RCN1: variants seen among roughly 807,000 people sequenced by gnomAD.
RCN1 encodes reticulocalbin 1, also known as reticulocalbin-1.
Under a neutral mutation model 34.7 loss-of-function variants are expected in RCN1, and 14 were observed. That is an observed-to-expected ratio of 0.40 (90% CI 0.27 to 0.63). RCN1 has a LOEUF of 0.63. RCN1 is among the 30% of genes least tolerant of loss of function. The probability of loss-of-function intolerance (pLI) is 0.37; values close to 1 mark genes in which losing one functional copy is unlikely to be tolerated. For synonymous variants in RCN1, 125 were observed against 165.5 expected (o/e 0.76, Z 1.88); for missense variants, 326 against 425.1 (o/e 0.77, Z 2.05).
At chr11:32,101,050 C>T (rs1852031858) in intron 4 of RCN1, among the ~76,000 whole-genome samples, 1 of 152,218 alleles carries the variant, frequency 6.6e-6, no homozygotes, top group Non-Finnish European at 1.5e-5. Flanking sequence ...GTTTATGTGT[C>T]TGAGCACTTT....
intron 1 of RCN1, chr11:32,096,807 A>T: frequency 4.5e-6 from 1 of 220,224 alleles, no homozygotes; most frequent in Non-Finnish European, 8.8e-6. Flanking sequence ...AATAGGTTTC[A>T]TCTTACAGAT....
chr11:32,100,405 A>C, intron 3 of RCN1, 143 bp from the exon 4 acceptor site: 1 of 657,472 alleles, frequency 1.5e-6, no homozygotes, highest in Non-Finnish European at 2.7e-6. Flanking sequence ...CAGATAAAAA[A>C]CTAGTTCCCA....
Position 32,098,354 on chromosome 11 carries a change from C to T in RCN1, c.453C>T (p.Asn151=), listed in dbSNP as rs758851383. ...CTGCATACATACATCCTGCAGGAAA[C>T]CCCGCAGAGTTTCATGATTCTTCAG... The part of the protein sequence containing the change: ...KQATYGYYLG[N]PAEFHDSSDH... Residue 151 remains asparagine (N), a synonymous_variant, in exon 3 of 6, where the codon AAC becomes AAT. Transcript: ENST00000054950. 6.2e-7 allele frequency: 1 copy of T among 1,609,082 alleles called. No homozygotes were observed. The highest frequency in any genetic ancestry group is 8.5e-7 in the Non-Finnish European group (1 of 1,178,504).
intron 1 of RCN1, among the ~76,000 whole-genome samples, chr11:32,092,479 T>C (rs1199128291): frequency 6.6e-6 from 1 of 151,970 alleles, no homozygotes; most frequent in Non-Finnish European, 1.5e-5. Context: ...CTTTGGCAAC[T>C]GATTTGTTTG....
chr11:32,100,711 G>GC lies in RCN1; in HGVS notation c.688+104dup, dbSNP rs551344568. 8 of 888,168 alleles carry GC rather than the reference G, an allele frequency of 9.0e-6. 1 individual carries two copies. In the African/African-American group the frequency reaches 9.9e-5, roughly 11 times the overall value. The allele number at this position is 888,168 out of a possible 1,614,324, so 55.0% of individuals were successfully genotyped here. A position where few individuals can be genotyped will look rare whatever the true frequency, so the allele number is the denominator to read the frequency against. On this transcript the variant is annotated intron_variant, in intron 4 of 5. Coordinates refer to ENST00000054950, the MANE Select transcript of RCN1 (RefSeq NM_002901.4). Reference sequence around the variant, plus strand: ...CCAGACGTCTCTTTTAGCAACAGCTGCAAGTCTATACGTCACTCCTGGGAG... The same window carrying GC: ...CCAGACGTCTCTTTTAGCAACAGCTGCCAAGTCTATACGTCACTCCTGGGAG...
In RCN1 at chr11:32,103,291, T is replaced by A; in HGVS notation, c.699T>A (p.Phe233Leu). The A allele has an allele frequency of 6.2e-7, 1 of 1,613,936 alleles. No homozygotes were observed. ...VDQDEYIADM[F>L]SHEENGPEPD... ...AACCTTCCCTTCTAGCGGATATGTT[T>A]TCCCATGAGGAGAATGGCCCTGAGC... Residue 233 changes from phenylalanine (F) to leucine (L), a missense_variant, in exon 5 of 6, where the codon TTT becomes TTA. Physicochemically the swap from Phe to Leu is conservative, Grantham distance 22. Coordinates refer to ENST00000054950, the MANE Select transcript of RCN1 (RefSeq NM_002901.4).
chr11:32,092,767 C>T (rs944398045), intron 1 of RCN1, among the ~76,000 whole-genome samples: 4 of 152,108 alleles, frequency 2.6e-5, no homozygotes, highest in Non-Finnish European at 4.4e-5. Flanking sequence ...TCTCCCTGAA[C>T]CTGATTCCTG....
intron 1 of RCN1, among the ~76,000 whole-genome samples, chr11:32,093,785 T>C (rs1369615096): frequency 6.6e-5 from 10 of 152,198 alleles, no homozygotes; most frequent in Admixed American, 5.2e-4. Context: ...CCAAAACTCA[T>C]TGGGAAAGTC....
intron 1 of RCN1, among the ~76,000 whole-genome samples, chr11:32,095,262 A>T (rs992895539): frequency 6.6e-4 from 72 of 108,860 alleles, no homozygotes; most frequent in Admixed American, 1.1e-3. Flanking sequence ...TTTTTTTTTT[A>T]AAGACAGGGT....
chr11:32,097,499 C>A (rs1284722308), intron 2 of RCN1, among the ~76,000 whole-genome samples, 162 bp downstream of exon 2: 1 of 152,104 alleles, frequency 6.6e-6, no homozygotes, highest in African/African-American at 2.4e-5. Flanking sequence ...TCAGAATGTA[C>A]TGAGTTGCTT....
Position 32,091,079 on chromosome 11 carries a change from C to T in RCN1, c.-118C>T. ...CACTGGCGGAGGGACTGGCCAGTCCCCTCCTCCGCGCCGGCCCCAACCCTG... is the reference window on the plus strand; with the variant it reads ...CACTGGCGGAGGGACTGGCCAGTCCTCTCCTCCGCGCCGGCCCCAACCCTG... On this transcript the variant is annotated 5_prime_UTR_variant, in exon 1 of 6. Coordinates refer to ENST00000054950, the MANE Select transcript of RCN1 (RefSeq NM_002901.4). 5 of 1,202,756 alleles carry T rather than the reference C, an allele frequency of 4.2e-6. No individual in the cohort carries two copies. The highest frequency in any genetic ancestry group is 3.9e-5 in the South Asian group (2 of 51,146). The allele number at this position is 1,202,756 out of a possible 1,614,324, so 74.5% of individuals were successfully genotyped here.
At chr11:32,100,521 C>T in intron 3 of RCN1, 27 bp from the exon 4 acceptor site, 10 of 1,595,822 alleles carry the variant, frequency 6.3e-6, no homozygotes, top group Non-Finnish European at 8.6e-6. Context: ...GGCCATCTTG[C>T]ATTCTGTTTT....
Position 32,103,358 on chromosome 11 carries a change from C to T in RCN1, c.766C>T (p.Arg256Trp), listed in dbSNP as rs762074525. The T allele has an allele frequency of 3.1e-6, 5 of 1,613,368 alleles. No individual in the cohort carries two copies. The highest frequency in any genetic ancestry group is 4.5e-5 in the East Asian group (2 of 44,890). ...LSEREQFNEF[R>W]DLNKDGKLDK... The stretch of plus-strand genomic sequence containing the variant: ...AGAACGGGAGCAGTTTAACGAATTC[C>T]GGGATCTGAACAAGGACGGGAAGTT... The change falls in exon 5 of 6, where the codon CGG becomes TGG. Residue 256 changes from arginine to tryptophan, a missense_variant. Coordinates refer to ENST00000054950, the MANE Select transcript of RCN1 (RefSeq NM_002901.4).
intron 4 of RCN1, among the ~76,000 whole-genome samples, chr11:32,101,240 TC>T (rs1428745801): frequency 7.9e-6 from 1 of 126,526 alleles, no homozygotes; most frequent in Admixed American, 8.5e-5. Flanking sequence ...TAGCCCCAAA[TC>T]CCCCCCAGCC....
chr11:32,103,325 G>GT lies in RCN1; in HGVS notation c.737dup (p.Leu246PhefsTer8). 1.2e-6 allele frequency: 2 copies of GT among 1,614,090 alleles called. No homozygotes were observed. Among genetic ancestry groups the GT allele is most frequent in the Non-Finnish European group, 1.7e-6 (2 of 1,179,932 alleles). On this transcript the variant is annotated frameshift_variant, in exon 5 of 6. Coordinates refer to ENST00000054950, the MANE Select transcript of RCN1 (RefSeq NM_002901.4). LOFTEE classifies it high-confidence loss of function. ...GGAGAATGGCCCTGAGCCAGACTGG[G>GT]TTTTATCAGAACGGGAGCAGTTTAA...
intron 1 of RCN1, chr11:32,091,664 C>T (rs537294360): frequency 2.0e-4 from 111 of 559,722 alleles, no homozygotes; most frequent in African/African-American, 1.9e-3. Flanking sequence ...GCGCCCCGGC[C>T]GGGGTGGTTT....
At chr11:32,097,098 C>T (rs746580548) in intron 1 of RCN1, 46 bp from the exon 2 acceptor site, 7 of 1,421,892 alleles carry the variant, frequency 4.9e-6, no homozygotes, top group African/African-American at 2.9e-5. Flanking sequence ...ATATAACAGC[C>T]TTGTGCCTGT....
chr11:32,096,011 TA>T (rs1045859129), intron 1 of RCN1, among the ~76,000 whole-genome samples: 5 of 151,842 alleles, frequency 3.3e-5, no homozygotes, highest in African/African-American at 7.3e-5. Flanking sequence ...CTCCCCCACC[TA>T]AAAAAAAGTT....
intron 1 of RCN1, 44 bp from the exon 2 acceptor site, chr11:32,097,100 T>C: frequency 7.0e-7 from 1 of 1,424,310 alleles, no homozygotes; most frequent in Non-Finnish European, 9.2e-7. Context: ...ATAACAGCCT[T>C]GTGCCTGTGT....
Sources: allele counts gnomAD v4.1 joint callset (sites outside exome capture counted in the v4.1 genomes callset), GRCh38; gene constraint gnomAD v4.1.1; transcripts MANE v1.5; gene names NCBI Gene and HGNC (gene_info 2026-07-23, HGNC 2026-07-21).